SLC7A11: variants seen among roughly 807,000 people sequenced by gnomAD.
The protein encoded by SLC7A11 is solute carrier family 7 member 11.
A neutral mutation model predicts 54.5 loss-of-function variants in SLC7A11; 35 were observed. That is an observed-to-expected ratio of 0.64 (90% CI 0.49 to 0.85). The LOEUF is 0.85. Ranked by LOEUF, SLC7A11 falls within the 40% of genes least tolerant of loss-of-function variation. The pLI, the probability that SLC7A11 is intolerant of heterozygous loss-of-function variation, is 0.00. For missense variants in SLC7A11, 583 were observed against 618.1 expected, an observed-to-expected ratio of 0.94 and a Z score of 0.60; for synonymous variants, 230 against 225.2, an observed-to-expected ratio of 1.02 and a Z score of -0.19.
At chr4:138,231,686 A>G (rs1214068576) in intron 3 of SLC7A11, among the ~76,000 whole-genome samples, 1 of 152,128 alleles carries the variant, frequency 6.6e-6, no homozygotes, top group African/African-American at 2.4e-5. Context: ...TCTTTTTTTA[A>G]TCAATGAATA....
chr4:138,202,986 T>C (rs1737324285), intron 6 of SLC7A11, among the ~76,000 whole-genome samples: 1 of 152,080 alleles, frequency 6.6e-6, no homozygotes, highest in South Asian at 2.1e-4. Context: ...AATCAGATCT[T>C]TAATACACCT....
rs975988988 is a variant in SLC7A11 at position 138,165,979 on chromosome 4, A to G, written c.*5977T>C. The stretch of plus-strand genomic sequence containing the variant: ...GAGCAATAAGAAAGTTATTTGGGGT[A>G]GTACTTGAAATAATTCATATACACA... On this transcript the variant is annotated 3_prime_UTR_variant, in exon 12 of 12. Transcript: ENST00000280612. 1.3e-5 allele frequency: 2 copies of G among 152,198 alleles called. No individual in the cohort carries two copies. The highest frequency in any genetic ancestry group is 4.8e-5 in the African/African-American group (2 of 41,460). The allele number at this position is 152,198 out of a possible 1,614,324, so 9.4% of individuals were successfully genotyped here.
At chr4:138,203,306 T>G (rs1321482524) in intron 6 of SLC7A11, among the ~76,000 whole-genome samples, 1 of 152,128 alleles carries the variant, frequency 6.6e-6, no homozygotes, top group Non-Finnish European at 1.5e-5. Flanking sequence ...TTTATCTCTA[T>G]TTTGAGAATT....
At chr4:138,191,428 G>T (rs1057461015) in intron 6 of SLC7A11, among the ~76,000 whole-genome samples, 4 of 152,138 alleles carry the variant, frequency 2.6e-5, no homozygotes, top group African/African-American at 9.7e-5. Context: ...GTAGGGAGAT[G>T]TAAGAAATGA....
intron 6 of SLC7A11, among the ~76,000 whole-genome samples, chr4:138,190,726 C>T (rs1736990310): frequency 1.3e-5 from 2 of 152,158 alleles, no homozygotes; most frequent in African/African-American, 4.8e-5. Context: ...TTTTGACATA[C>T]TTTCCCTGAC....
rs561815738 is a variant in SLC7A11 at position 138,172,021 on chromosome 4, C to G, written c.1445-4G>C. ...TGTAATGTTCTGGTTATTTTCTCTACAAAGAAATAAAAATGAATTAAAAAT... is the reference window on the plus strand; with the variant it reads ...TGTAATGTTCTGGTTATTTTCTCTAGAAAGAAATAAAAATGAATTAAAAAT... On this transcript the variant is annotated splice_region_variant and splice_polypyrimidine_tract_variant and intron_variant, in intron 11 of 11. Transcript: ENST00000280612. 4 of 1,569,468 alleles carry G rather than the reference C, an allele frequency of 2.5e-6. No homozygotes were observed. The highest frequency in any genetic ancestry group is 2.8e-5 in the African/African-American group (2 of 72,028).
At chr4:138,225,736 T>C (rs1372636333) in intron 3 of SLC7A11, among the ~76,000 whole-genome samples, 2 of 152,060 alleles carry the variant, frequency 1.3e-5, no homozygotes, top group Non-Finnish European at 2.9e-5. Context: ...AATTGTCTCA[T>C]GTGGCCACCA....
At chr4:138,231,139 C>A (rs1441411904) in intron 3 of SLC7A11, among the ~76,000 whole-genome samples, 4 of 152,040 alleles carry the variant, frequency 2.6e-5, no homozygotes, top group Admixed American at 6.5e-5. Context: ...ATAATGTATA[C>A]ACATAGACGT....
intron 6 of SLC7A11, among the ~76,000 whole-genome samples, chr4:138,196,468 C>A (rs1737134185): frequency 6.6e-6 from 1 of 152,048 alleles, no homozygotes; most frequent in African/African-American, 2.4e-5. Flanking sequence ...AGTTCACATT[C>A]CTTGTCAAAA....
rs1736438121 is a variant in SLC7A11, at chr4:138,172,011, A to T, written c.1451T>A (p.Ile484Lys). ...CAGTATTATTTGTAATGTTCTGGTT[A>T]TTTTCTCTACAAAGAAATAAAAATG... ...PRWFRIMSEKITRTLQIILEV... is the reference protein window; with the variant it reads ...PRWFRIMSEKKTRTLQIILEV... Residue 484 changes from isoleucine (I) to lysine (K), a missense_variant, in exon 12 of 12, where the codon ATA (isoleucine) becomes AAA (lysine). Coordinates refer to ENST00000280612, the MANE Select transcript of SLC7A11 (RefSeq NM_014331.4). The T allele has an allele frequency of 6.3e-7, 1 of 1,590,828 alleles. No homozygotes were observed. The highest frequency in any genetic ancestry group is 1.8e-5 in the Admixed American group (1 of 54,660).
Position 138,171,731 on chromosome 4 carries a change from G to A in SLC7A11, c.*225C>T. 2.1e-6 allele frequency: 1 copy of A among 483,500 alleles called. No homozygotes were observed. The highest frequency in any genetic ancestry group is 3.5e-6 in the Non-Finnish European group (1 of 286,156). 30.0% of individuals were successfully genotyped at this position (483,500 alleles called of 1,614,324 possible). ...GGTAGGTATCAGAGACTCAAGAATT[G>A]TGCGACTCATAGAATAACTGCATAT... On this transcript the variant is annotated 3_prime_UTR_variant, in exon 12 of 12. Transcript: ENST00000280612.
At chr4:138,221,864 A>G (rs977613019) in intron 4 of SLC7A11, among the ~76,000 whole-genome samples, 2 of 152,256 alleles carry the variant, frequency 1.3e-5, no homozygotes, top group South Asian at 4.1e-4. Context: ...AATCTAAACT[A>G]GTATTAAAGA....
At chr4:138,232,180 C>T in intron 3 of SLC7A11, 87 bp downstream of exon 3, 1 of 903,824 alleles carries the variant, frequency 1.1e-6, no homozygotes, top group Non-Finnish European at 1.8e-6. Context: ...AGAGGCAATC[C>T]CGCAATGCAA....
intron 6 of SLC7A11, among the ~76,000 whole-genome samples, chr4:138,210,410 A>C (rs1737518877): frequency 6.6e-6 from 1 of 152,104 alleles, no homozygotes; most frequent in African/African-American, 2.4e-5. Flanking sequence ...TCATTAAACT[A>C]AAGAGCTTCT....
At chr4:138,221,277 A>G (rs942085488) in intron 4 of SLC7A11, among the ~76,000 whole-genome samples, 2 of 152,232 alleles carry the variant, frequency 1.3e-5, no homozygotes, top group African/African-American at 4.8e-5. Flanking sequence ...CAGAGGTCTC[A>G]TGAAGATTAA....
chr4:138,222,920 T>C (rs74594044), intron 4 of SLC7A11, among the ~76,000 whole-genome samples: 43 of 145,700 alleles, frequency 3.0e-4, no homozygotes, highest in African/African-American at 1.1e-3. Flanking sequence ...TTTTTTTTTT[T>C]CCACTTCGAG....
intron 10 of SLC7A11, among the ~76,000 whole-genome samples, chr4:138,180,001 C>T (rs1230864632): frequency 2.6e-5 from 4 of 152,046 alleles, no homozygotes; most frequent in South Asian, 4.1e-4. Flanking sequence ...ACAAATAAAT[C>T]GTGAGGTCAA....
At chr4:138,182,958 T>G (rs1041774940) in intron 8 of SLC7A11, among the ~76,000 whole-genome samples, 1 of 152,076 alleles carries the variant, frequency 6.6e-6, no homozygotes, top group Non-Finnish European at 1.5e-5. Flanking sequence ...TGTTAGACTG[T>G]GGAAATACTA....
chr4:138,177,979 C>T (rs1293096310), intron 11 of SLC7A11: 1 of 152,150 alleles, frequency 6.6e-6, no homozygotes, highest in Non-Finnish European at 1.5e-5. Context: ...AATCCATCCT[C>T]ATAACCCCCA....
Sources: allele counts gnomAD v4.1 joint callset (sites outside exome capture counted in the v4.1 genomes callset), GRCh38; gene constraint gnomAD v4.1.1; transcripts MANE v1.5; gene names NCBI Gene and HGNC (gene_info 2026-07-23, HGNC 2026-07-21).